The following SERTAD4 variants were observed in gnomAD, a reference collection of about 807,000 sequenced individuals.
The protein encoded by SERTAD4 is SERTA domain containing 4, also known as SERTA domain-containing protein 4.
A neutral mutation model predicts 32.9 loss-of-function variants in SERTAD4; 18 were observed. The observed-to-expected ratio is 0.55, with a 90% CI of 0.38 to 0.81. The LOEUF (loss-of-function observed/expected upper bound fraction) is 0.81, where lower values mean the gene tolerates loss of function less well. Ranked by LOEUF, SERTAD4 falls within the 30% of genes least tolerant of loss-of-function variation. The probability of loss-of-function intolerance (pLI) is 0.00; values close to 1 mark genes in which losing one functional copy is unlikely to be tolerated. For missense variants in SERTAD4, 383 were observed against 426.0 expected, an observed-to-expected ratio of 0.90 and a Z score of 0.89; for synonymous variants, 150 against 156.4, an observed-to-expected ratio of 0.96 and a Z score of 0.30.
In SERTAD4 at chr1:210,244,723, A is replaced by C. The variant is rs2084031376; in HGVS notation, c.*2386A>C. The C allele has an allele frequency of 6.6e-6, 1 of 152,140 alleles. No homozygotes were observed. The highest frequency in any genetic ancestry group is 2.1e-4 in the South Asian group (1 of 4,814). The allele number at this position is 152,140 out of a possible 1,614,324, so 9.4% of individuals were successfully genotyped here. A position where few individuals can be genotyped will look rare whatever the true frequency, so the allele number is the denominator to read the frequency against. On this transcript the variant is annotated 3_prime_UTR_variant, in exon 4 of 4. Coordinates refer to ENST00000367012, the MANE Select transcript of SERTAD4 (RefSeq NM_019605.5). ...GTTTTTCTTGAAGGCCAAAGCTGTA[A>C]AATGACAAAGTTGGTGATTTTCAGC...
Position 210,242,822 on chromosome 1 carries a change from T to C in SERTAD4, c.*485T>C. ...CAGGGAGCTAGATGAAATGGCTTAA[T>C]GGTGCTGTTAAGTATTTGTACCTAA... is the stretch of plus-strand genomic sequence containing the variant. On this transcript the variant is annotated 3_prime_UTR_variant, in exon 4 of 4. Coordinates refer to ENST00000367012, the MANE Select transcript of SERTAD4 (RefSeq NM_019605.5). This position sits in a 1 kb window ranked among gnomAD's most constrained non-coding sequence, Gnocchi z 4.0. 2.0e-6 allele frequency: 2 copies of C among 987,806 alleles called. No individual in the cohort carries two copies. The highest frequency in any genetic ancestry group is 2.4e-6 in the Non-Finnish European group (2 of 831,412). The allele number at this position is 987,806 out of a possible 1,614,324, so 61.2% of individuals were successfully genotyped here.
At position 210,241,943 on chromosome 1, in the gene SERTAD4, C is replaced by T; in HGVS notation, c.677C>T (p.Ser226Phe). ...AASSPSASSS[S>F]SSSSSSPPLP... ...TCCTCTCCCTCCGCCTCTTCTTCCT[C>T]CTCATCTTCCTCTTCCTCTCCCCCT... is the stretch of plus-strand genomic sequence containing the variant. Residue 226 changes from serine (S) to phenylalanine (F), a missense_variant, in exon 4 of 4, where the codon TCC (serine) becomes TTC (phenylalanine). Around this residue, in one of 3 missense-constraint regions of SERTAD4, gnomAD observed 180 missense variants for 190.6 expected, o/e 0.94. Coordinates refer to ENST00000367012, the MANE Select transcript of SERTAD4 (RefSeq NM_019605.5). 1 of 1,614,160 alleles carries T rather than the reference C, an allele frequency of 6.2e-7. No individual in the cohort carries two copies. The highest frequency in any genetic ancestry group is 1.1e-5 in the South Asian group (1 of 91,078).
chr1:210,237,816 G>C (rs2083955404), intron 1 of SERTAD4, 128 bp from the exon 2 acceptor site: 1 of 659,204 alleles, frequency 1.5e-6, no homozygotes, highest in African/African-American at 1.8e-5. Context: ...AATGTTTCAG[G>C]GTAAAGGGGA....
At position 210,244,815 on chromosome 1, in the gene SERTAD4, G is replaced by A. The variant is rs2084032137; in HGVS notation, c.*2478G>A. On this transcript the variant is annotated 3_prime_UTR_variant, in exon 4 of 4. Coordinates refer to ENST00000367012, the MANE Select transcript of SERTAD4 (RefSeq NM_019605.5). ...AACCCACTAGAATCACTTCTCTGTA[G>A]GATAAGTGATGCCTTTGAATCCAGC... is the stretch of plus-strand genomic sequence containing the variant. 1 of 152,112 alleles carries A rather than the reference G, an allele frequency of 6.6e-6. No individual in the cohort carries two copies. The highest frequency in any genetic ancestry group is 1.5e-5 in the Non-Finnish European group (1 of 68,018). 9.4% of individuals were successfully genotyped at this position (152,112 alleles called of 1,614,324 possible).
In SERTAD4 at chr1:210,244,693, A is replaced by G. The variant is rs771129382; in HGVS notation, c.*2356A>G. On this transcript the variant is annotated 3_prime_UTR_variant, in exon 4 of 4. Coordinates refer to ENST00000367012, the MANE Select transcript of SERTAD4 (RefSeq NM_019605.5). ...TTTTTAAAAGCCCCAGCATTACTAG[A>G]TAGTGTTTTTCTTGAAGGCCAAAGC... 1.3e-5 allele frequency: 2 copies of G among 152,058 alleles called. No homozygotes were observed. Among genetic ancestry groups the G allele is most frequent in the Non-Finnish European group, 2.9e-5 (2 of 68,004 alleles). 9.4% of individuals were successfully genotyped at this position (152,058 alleles called of 1,614,324 possible).
chr1:210,239,739 A>G (rs2083977106), intron 3 of SERTAD4, 131 bp downstream of exon 3: 10 of 555,780 alleles, frequency 1.8e-5, no homozygotes, highest in Non-Finnish European at 3.1e-5. Context: ...GTGGAGCCTC[A>G]TTAATCGTTG....
intron 1 of SERTAD4, among the ~76,000 whole-genome samples, 178 bp downstream of exon 1, chr1:210,233,189 C>T (rs541299048): frequency 2.1e-3 from 323 of 152,144 alleles, no homozygotes; most frequent in African/African-American, 7.3e-3. Flanking sequence ...GGAGCGGAGT[C>T]GGGGCGGCGT....
At chr1:210,241,424 C>T in intron 3 of SERTAD4, 134 bp from the exon 4 acceptor site, 1 of 905,818 alleles carries the variant, frequency 1.1e-6, no homozygotes, top group South Asian at 2.0e-5. Flanking sequence ...CGGAACAAGA[C>T]CACAACATGC....
rs1465859369 is a variant in SERTAD4, at chr1:210,242,014, A to G, written c.748A>G (p.Ser250Gly). 2 of 1,614,108 alleles carry G rather than the reference A, an allele frequency of 1.2e-6. No homozygotes were observed. Among genetic ancestry groups the G allele is most frequent in the South Asian group, 2.2e-5 (2 of 91,080 alleles). ...CCGCCAGGTGGATTTTGATGTAGGTAGTGCATCTATTTACAAGAGTGATGG... is the reference window on the plus strand; with the variant it reads ...CCGCCAGGTGGATTTTGATGTAGGTGGTGCATCTATTTACAAGAGTGATGG... Reference protein sequence around the residue: ...CSRQVDFDVGSASIYKSDGQI... With the variant: ...CSRQVDFDVGGASIYKSDGQI... Residue 250 changes from serine to glycine, a missense_variant, in exon 4 of 4, where the codon AGT becomes GGT. Physicochemically the swap from Ser to Gly is moderately conservative, Grantham distance 56. Coordinates refer to ENST00000367012, the MANE Select transcript of SERTAD4 (RefSeq NM_019605.5). The surrounding 1 kb of genome is among the most constrained non-coding windows in gnomAD (Gnocchi z 4.0).
At position 210,245,335 on chromosome 1, in the gene SERTAD4, G is replaced by A. The variant is rs2084038277; in HGVS notation, c.*2998G>A. 1 of 152,134 alleles carries A rather than the reference G, an allele frequency of 6.6e-6. No individual in the cohort carries two copies. Among genetic ancestry groups the A allele is most frequent in the African/African-American group, 2.4e-5 (1 of 41,434 alleles). The allele number at this position is 152,134 out of a possible 1,614,324, so 9.4% of individuals were successfully genotyped here. On this transcript the variant is annotated 3_prime_UTR_variant, in exon 4 of 4. Coordinates refer to ENST00000367012, the MANE Select transcript of SERTAD4 (RefSeq NM_019605.5). ...AATTGCTATTCCCCTAGGCATCTGG[G>A]TGCATATCATTAATGAAATCATTAA...
intron 1 of SERTAD4, chr1:210,237,257 C>T (rs2083949710): frequency 6.6e-6 from 1 of 152,256 alleles, no homozygotes; most frequent in South Asian, 2.1e-4. Context: ...CTGTCTTCAT[C>T]TCGCAGTGTT....
rs962028668 is a variant in SERTAD4, at chr1:210,244,977, G to A, written c.*2640G>A. On this transcript the variant is annotated 3_prime_UTR_variant, in exon 4 of 4. Transcript: ENST00000367012. ...CACAAAAATTCTCTTGTTAGTAGGC[G>A]AGAGTGCTAGGACTTCCTGTGTTCA... 6.6e-6 allele frequency: 1 copy of A among 152,162 alleles called. No individual in the cohort carries two copies. The highest frequency in any genetic ancestry group is 1.5e-5 in the Non-Finnish European group (1 of 68,030). The allele number at this position is 152,162 out of a possible 1,614,324, so 9.4% of individuals were successfully genotyped here.
Position 210,245,796 on chromosome 1 carries a change from T to A in SERTAD4, c.*3459T>A. On this transcript the variant is annotated 3_prime_UTR_variant, in exon 4 of 4. Coordinates refer to ENST00000367012, the MANE Select transcript of SERTAD4 (RefSeq NM_019605.5). ...CACTTGGTGACTTCCTTTCTGTGTATCAGGAGCAGAGCAGAGGACAACTTG... is the reference window on the plus strand; with the variant it reads ...CACTTGGTGACTTCCTTTCTGTGTAACAGGAGCAGAGCAGAGGACAACTTG... 1 of 985,370 alleles carries A rather than the reference T, an allele frequency of 1.0e-6. No homozygotes were observed. The highest frequency in any genetic ancestry group is 1.2e-6 in the Non-Finnish European group (1 of 829,908). 61.0% of individuals were successfully genotyped at this position (985,370 alleles called of 1,614,324 possible). A position where few individuals can be genotyped will look rare whatever the true frequency, so the allele number is the denominator to read the frequency against.
Position 210,241,893 on chromosome 1 carries a change from T to C in SERTAD4, c.627T>C (p.Asn209=), listed in dbSNP as rs753106742. The change falls in exon 4 of 4, where the codon AAT becomes AAC. Residue 209 remains asparagine, a synonymous_variant. Transcript: ENST00000367012. Reference sequence around the variant, plus strand: ...ATTTACCCCTTTCTGTCAATGCTAATGTTGGAAGTGCCTCCACTGCTGCCT... The same window carrying C: ...ATTTACCCCTTTCTGTCAATGCTAACGTTGGAAGTGCCTCCACTGCTGCCT... The part of the protein sequence containing the change: ...YLNLPLSVNA[N]VGSASTAASS... 3.1e-6 allele frequency: 5 copies of C among 1,614,066 alleles called. No homozygotes were observed. The South Asian group carries it at 5.5e-5, about 18-fold the overall frequency.
At chr1:210,240,184 TA>T (rs1013205694) in intron 3 of SERTAD4, among the ~76,000 whole-genome samples, 54 of 146,054 alleles carry the variant, frequency 3.7e-4, no homozygotes, top group Admixed American at 1.6e-3. Context: ...TAGGTATAGT[TA>T]AAAAAAAAAA....
intron 1 of SERTAD4, among the ~76,000 whole-genome samples, chr1:210,236,183 C>CAAA (rs1195015120): frequency 1.3e-5 from 2 of 152,246 alleles, no homozygotes; most frequent in African/African-American, 4.8e-5. Context: ...GTTGATGACT[C>CAAA]AAAGAGAAAA....
rs1208637183 is a variant in SERTAD4, at chr1:210,245,471, A to G, written c.*3134A>G. ...TCATCATCTTTCCACTCAAAATCCTATTATTCTACATTTCACTTTGCAGGG... is the reference window on the plus strand; with the variant it reads ...TCATCATCTTTCCACTCAAAATCCTGTTATTCTACATTTCACTTTGCAGGG... On this transcript the variant is annotated 3_prime_UTR_variant, in exon 4 of 4. Coordinates refer to ENST00000367012, the MANE Select transcript of SERTAD4 (RefSeq NM_019605.5). 2 of 152,200 alleles carry G rather than the reference A, an allele frequency of 1.3e-5. No homozygotes were observed. The highest frequency in any genetic ancestry group is 2.9e-5 in the Non-Finnish European group (2 of 68,038). 9.4% of individuals were successfully genotyped at this position (152,200 alleles called of 1,614,324 possible).
chr1:210,235,119 C>T (rs1406016777), intron 1 of SERTAD4, among the ~76,000 whole-genome samples: 1 of 152,116 alleles, frequency 6.6e-6, no homozygotes, highest in Non-Finnish European at 1.5e-5. Flanking sequence ...GAATCCATCA[C>T]CTCTGATCTT....
intron 1 of SERTAD4, among the ~76,000 whole-genome samples, chr1:210,233,260 C>G (rs1018554681): frequency 6.6e-6 from 1 of 152,070 alleles, no homozygotes; most frequent in Non-Finnish European, 1.5e-5. Context: ...CTAGCGTGCG[C>G]CGCGGCGCCT....
Sources: allele counts gnomAD v4.1 joint callset (sites outside exome capture counted in the v4.1 genomes callset), GRCh38; gene constraint gnomAD v4.1.1; regional missense constraint gnomAD v4.1.1; non-coding constraint Gnocchi (gnomAD v3.1); transcripts MANE v1.5; gene names NCBI Gene and HGNC (gene_info 2026-07-23, HGNC 2026-07-21).